H1-1: variants seen among roughly 807,000 people sequenced by gnomAD.
The protein encoded by H1-1 is histone H1.1.
Under a neutral mutation model 0.8 loss-of-function variants are expected in H1-1, and 2 were observed. The observed-to-expected ratio is 2.64, with a 90% CI of 1.08 to 8.30. The LOEUF is 8.30. H1-1 is among the 30% of genes most tolerant of loss of function. The pLI, the probability that H1-1 is intolerant of heterozygous loss-of-function variation, is 0.04. For synonymous variants in H1-1, 211 were observed against 108.2 expected, an observed-to-expected ratio of 1.95 and a Z score of -5.89; for missense variants, 516 against 262.6, an observed-to-expected ratio of 1.97 and a Z score of -6.67.
In H1-1 at chr6:26,017,465, G is replaced by A. The variant is rs534247949; in HGVS notation, c.268C>T (p.Leu90=). The A allele has an allele frequency of 7.3e-5, 118 of 1,613,898 alleles. No homozygotes were observed. The highest frequency in any genetic ancestry group is 3.2e-4 in the South Asian group (29 of 91,078). Residue 90 remains leucine, a synonymous_variant, in exon 1 of 1, where the codon CTG becomes TTG. Coordinates refer to ENST00000244573, the MANE Select transcript of H1-1 (RefSeq NM_005325.4). ...NSRIKLGIKS[L]VSKGTLVQTK... is the part of the protein sequence containing the mutation. ...TGCACCAACGTTCCCTTGCTTACCAGGCTCTTAATGCCCAGCTTAATGCGG... is the reference window on the plus strand; with the variant it reads ...TGCACCAACGTTCCCTTGCTTACCAAGCTCTTAATGCCCAGCTTAATGCGG...
Position 26,017,748 on chromosome 6 carries a change from A to C in H1-1, c.-16T>G. ...TTTCAGACATGGTGACTAACACAGC[A>C]CACCAAATAAAGTGGTATAAACCTG... On this transcript the variant is annotated 5_prime_UTR_variant, in exon 1 of 1. Transcript: ENST00000244573. The C allele has an allele frequency of 6.2e-7, 1 of 1,604,846 alleles. No homozygotes were observed. The highest frequency in any genetic ancestry group is 8.5e-7 in the Non-Finnish European group (1 of 1,175,202).
At position 26,017,466 on chromosome 6, in the gene H1-1, G is replaced by A. The variant is rs554173019; in HGVS notation, c.267C>T (p.Ser89=). 73 of 1,614,090 alleles carry A rather than the reference G, an allele frequency of 4.5e-5. No homozygotes were observed. The South Asian group carries it at 7.5e-4, about 17-fold the overall frequency. Residue 89 remains serine, a synonymous_variant, in exon 1 of 1, where the codon AGC becomes AGT. Transcript: ENST00000244573. The part of the protein sequence containing the change: ...NNSRIKLGIK[S]LVSKGTLVQT... Reference sequence around the variant, plus strand: ...GCACCAACGTTCCCTTGCTTACCAGGCTCTTAATGCCCAGCTTAATGCGGC... The same window carrying A: ...GCACCAACGTTCCCTTGCTTACCAGACTCTTAATGCCCAGCTTAATGCGGC...
rs1761141869 is a variant in H1-1, at chr6:26,017,391, C to T, written c.342G>A (p.Ala114=). 1.2e-6 allele frequency: 2 copies of T among 1,613,948 alleles called. No homozygotes were observed. Among genetic ancestry groups the T allele is most frequent in the Middle Eastern group, 1.6e-4 (1 of 6,082 alleles). Residue 114 remains alanine (A), a synonymous_variant, in exon 1 of 1, where the codon GCG becomes GCA. Coordinates refer to ENST00000244573, the MANE Select transcript of H1-1 (RefSeq NM_005325.4). ...ASGSFKLNKK[A]SSVETKPGAS... ...CGCCGGGCTTGGTTTCCACGGAGGA[C>T]GCCTTCTTGTTGAGCTTGAAGGAAC...
Position 26,017,645 on chromosome 6 carries a change from C to T in H1-1, c.88G>A (p.Ala30Thr), listed in dbSNP as rs138845730. Residue 30 changes from alanine (A) to threonine (T), a missense_variant, in exon 1 of 1, where the codon GCT becomes ACT. Transcript: ENST00000244573. Reference sequence around the variant, plus strand: ...GGTTTTTTCTTGGAGGCTGCTGCAGCCTTAGCAGGTTTCTTTGCCTTCTTG... The same window carrying T: ...GGTTTTTTCTTGGAGGCTGCTGCAGTCTTAGCAGGTTTCTTTGCCTTCTTG... Reference protein sequence around the residue: ...AGKKAKKPAKAAAASKKKPAG... With the variant: ...AGKKAKKPAKTAAASKKKPAG... 8.1e-5 allele frequency: 131 copies of T among 1,614,048 alleles called. No homozygotes were observed. Among genetic ancestry groups the T allele is most frequent in the South Asian group, 8.0e-4 (73 of 91,096 alleles).
In H1-1 at chr6:26,017,679, A is replaced by T; in HGVS notation, c.54T>A (p.Pro18=). The T allele has an allele frequency of 1.2e-6, 2 of 1,613,210 alleles. No homozygotes were observed. The highest frequency in any genetic ancestry group is 2.2e-5 in the South Asian group (2 of 91,070). ...APAASAAPEK[P]LAGKKAKKPA... ...GTTTCTTTGCCTTCTTGCCAGCTAA[A>T]GGTTTCTCAGGAGCAGCAGAAGCGG... is the stretch of plus-strand genomic sequence containing the variant. The change falls in exon 1 of 1, where the codon CCT becomes CCA. Residue 18 remains proline, a synonymous_variant. Coordinates refer to ENST00000244573, the MANE Select transcript of H1-1 (RefSeq NM_005325.4).
Position 26,017,606 on chromosome 6 carries a change from CG to C in H1-1, c.126del (p.Val43CysfsTer4). On this transcript the variant is annotated frameshift_variant, in exon 1 of 1. Coordinates refer to ENST00000244573, the MANE Select transcript of H1-1 (RefSeq NM_005325.4). LOFTEE classifies it low-confidence loss of function (END_TRUNC). Reference protein sequence around the residue: ...AASKKKPAGPSVSELIVQAAS... With the variant: ...AASKKKPAGPXVSELIVQAAS... ...GCAGCCTGCACGATCAGCTCTGACA[CG>C]GAAGGGCCAGCGGGTTTTTTCTTGG... 1 of 1,614,156 alleles carries C rather than the reference CG, an allele frequency of 6.2e-7. No individual in the cohort carries two copies. The highest frequency in any genetic ancestry group is 8.5e-7 in the Non-Finnish European group (1 of 1,180,016).
Position 26,017,162 on chromosome 6 carries a change from T to C in H1-1, c.571A>G (p.Lys191Glu), listed in dbSNP as rs1177535125. The change falls in exon 1 of 1, where the codon AAA (lysine) becomes GAA (glutamate). Residue 191 changes from lysine (K) to glutamate (E), a missense_variant. By Grantham distance (56) the Lys-to-Glu change is moderately conservative. Coordinates refer to ENST00000244573, the MANE Select transcript of H1-1 (RefSeq NM_005325.4). Reference sequence around the variant, plus strand: ...ACCCTAGCCTTGGCCGCCTTGGGTTTTACAGCCTTAGCTTTAGCAGGGCTT... The same window carrying C: ...ACCCTAGCCTTGGCCGCCTTGGGTTCTACAGCCTTAGCTTTAGCAGGGCTT... ...AKSPAKAKAV[K>E]PKAAKARVTK... 3 of 1,613,432 alleles carry C rather than the reference T, an allele frequency of 1.9e-6. No homozygotes were observed. Among genetic ancestry groups the C allele is most frequent in the Non-Finnish European group, 1.7e-6 (2 of 1,179,918 alleles).
rs1447774310 is a variant in H1-1, at chr6:26,017,349, T to C, written c.384A>G (p.Thr128=). 6.2e-7 allele frequency: 1 copy of C among 1,614,038 alleles called. No homozygotes were observed. The highest frequency in any genetic ancestry group is 2.2e-5 in the East Asian group (1 of 44,878). Residue 128 remains threonine, a synonymous_variant, in exon 1 of 1, where the codon ACA becomes ACG. Transcript: ENST00000244573. ...ETKPGASKVA[T]KTKATGASKK... ...TAGATGCACCCGTTGCCTTAGTTTT[T>C]GTAGCCACCTTTGAGGCGCCGGGCT...
In H1-1 at chr6:26,017,719, A is replaced by C; in HGVS notation, c.14T>G (p.Val5Gly). 1 of 1,612,950 alleles carries C rather than the reference A, an allele frequency of 6.2e-7. No individual in the cohort carries two copies. Among genetic ancestry groups the C allele is most frequent in the Non-Finnish European group, 8.5e-7 (1 of 1,179,624 alleles). Reference protein sequence around the residue: MSETVPPAPAASAAP... With the variant: MSETGPPAPAASAAP... ...AGCAGAAGCGGCGGGGGCGGGAGGCACTGTTTCAGACATGGTGACTAACAC... is the reference window on the plus strand; with the variant it reads ...AGCAGAAGCGGCGGGGGCGGGAGGCCCTGTTTCAGACATGGTGACTAACAC... The change falls in exon 1 of 1, where the codon GTG (valine) becomes GGG (glycine). Residue 5 changes from valine to glycine, a missense_variant. Coordinates refer to ENST00000244573, the MANE Select transcript of H1-1 (RefSeq NM_005325.4).
Position 26,017,392 on chromosome 6 carries a change from G to A in H1-1, c.341C>T (p.Ala114Val), listed in dbSNP as rs776509006. Residue 114 changes from alanine to valine, a missense_variant, in exon 1 of 1, where the codon GCG becomes GTG. Ala to Val is a moderately conservative substitution (Grantham distance 64, BLOSUM62 0). Transcript: ENST00000244573. ...ASGSFKLNKK[A>V]SSVETKPGAS... ...GCCGGGCTTGGTTTCCACGGAGGAC[G>A]CCTTCTTGTTGAGCTTGAAGGAACC... 25 of 1,613,950 alleles carry A rather than the reference G, an allele frequency of 1.5e-5. No homozygotes were observed. Among genetic ancestry groups the A allele is most frequent in the South Asian group, 4.4e-5 (4 of 91,078 alleles).
In H1-1 at chr6:26,017,591, C is replaced by T. The variant is rs369375436; in HGVS notation, c.142G>A (p.Val48Met). The T allele has an allele frequency of 1.4e-5, 23 of 1,614,052 alleles. No individual in the cohort carries two copies. The African/African-American group carries it at 2.4e-4, about 17-fold the overall frequency. Residue 48 changes from valine (V) to methionine (M), a missense_variant, in exon 1 of 1, where the codon GTG becomes ATG. Val to Met is a conservative substitution (Grantham distance 21, BLOSUM62 1). Coordinates refer to ENST00000244573, the MANE Select transcript of H1-1 (RefSeq NM_005325.4). ...PAGPSVSELI[V>M]QAASSSKERG... ...TCCTTAGAGGAGGAAGCAGCCTGCA[C>T]GATCAGCTCTGACACGGAAGGGCCA...
Position 26,017,058 on chromosome 6 carries a change from G to A in H1-1, c.*27C>T, listed in dbSNP as rs758416964. The A allele has an allele frequency of 1.9e-6, 3 of 1,557,444 alleles. No homozygotes were observed. The highest frequency in any genetic ancestry group is 2.6e-6 in the Non-Finnish European group (3 of 1,160,060). ...AGGTGGCTCTTAAAAGAGCCGTTGG[G>A]TTACTAGAAGAAACTTCTAACTGAA... is the stretch of plus-strand genomic sequence containing the variant. On this transcript the variant is annotated 3_prime_UTR_variant, in exon 1 of 1. Transcript: ENST00000244573.
chr6:26,017,219 GTTT>G lies in H1-1; in HGVS notation c.511_513del (p.Lys171del). The G allele has an allele frequency of 6.2e-7, 1 of 1,614,062 alleles. No homozygotes were observed. The highest frequency in any genetic ancestry group is 8.5e-7 in the Non-Finnish European group (1 of 1,180,008). ...ACTTTCTTGGGCTTTACAGTTTTGG[GTTT>G]TTTTGGATTCTTGGAGGATTTCCTT... On this transcript the variant is annotated inframe_deletion, in exon 1 of 1. Transcript: ENST00000244573.
In H1-1 at chr6:26,017,085, T is replaced by A; in HGVS notation, c.648A>T (p.Ter216TyrextTer?). 1 of 1,573,632 alleles carries A rather than the reference T, an allele frequency of 6.4e-7. No individual in the cohort carries two copies. Residue 216 changes from the stop codon to tyrosine (Y), a stop_lost, in exon 1 of 1, where the codon TAA becomes TAT. Transcript: ENST00000244573. ...TACTAGAAGAAACTTCTAACTGAAT[T>A]TACTTTTTCTTGGGTGCCGCTTTCT... ...KPKKAAPKKK* is the reference protein window; with the variant it reads ...KPKKAAPKKKY
rs150685143 is a variant in H1-1 at position 26,017,709 on chromosome 6, G to A, written c.24C>T (p.Ala8=). 6 of 1,613,354 alleles carry A rather than the reference G, an allele frequency of 3.7e-6. No individual in the cohort carries two copies. Among genetic ancestry groups the A allele is most frequent in the East Asian group, 2.2e-5 (1 of 44,878 alleles). Reference sequence around the variant, plus strand: ...TCTCAGGAGCAGCAGAAGCGGCGGGGGCGGGAGGCACTGTTTCAGACATGG... The same window carrying A: ...TCTCAGGAGCAGCAGAAGCGGCGGGAGCGGGAGGCACTGTTTCAGACATGG... MSETVPP[A]PAASAAPEKP... The change falls in exon 1 of 1, where the codon GCC becomes GCT. Residue 8 remains alanine (A), a synonymous_variant. Coordinates refer to ENST00000244573, the MANE Select transcript of H1-1 (RefSeq NM_005325.4).
chr6:26,017,624 T>TA lies in H1-1; in HGVS notation c.108_109insT (p.Lys37Ter). The TA allele has an allele frequency of 6.2e-7, 1 of 1,614,102 alleles. No individual in the cohort carries two copies. The highest frequency in any genetic ancestry group is 8.5e-7 in the Non-Finnish European group (1 of 1,180,014). On this transcript the variant is annotated frameshift_variant, in exon 1 of 1. Coordinates refer to ENST00000244573, the MANE Select transcript of H1-1 (RefSeq NM_005325.4). LOFTEE classifies it low-confidence loss of function (END_TRUNC). ...TCTGACACGGAAGGGCCAGCGGGTT[T>TA]TTTCTTGGAGGCTGCTGCAGCCTTA...
chr6:26,017,102 C>G lies in H1-1; in HGVS notation c.631G>C (p.Ala211Pro). Residue 211 changes from alanine (A) to proline (P), a missense_variant, in exon 1 of 1, where the codon GCA (alanine) becomes CCA (proline). Transcript: ENST00000244573. ...AACTGAATTTACTTTTTCTTGGGTG[C>G]CGCTTTCTTGGGTTTGGCAGTCTTT... ...KPKTAKPKKAAPKKK is the reference protein window; with the variant it reads ...KPKTAKPKKAPPKKK The G allele has an allele frequency of 6.3e-7, 1 of 1,577,542 alleles. No homozygotes were observed. The highest frequency in any genetic ancestry group is 8.6e-7 in the Non-Finnish European group (1 of 1,169,378).
rs1215095109 is a variant in H1-1 at position 26,017,222 on chromosome 6, T to A, written c.511A>T (p.Lys171Ter). ...TTCTTGGGCTTTACAGTTTTGGGTT[T>A]TTTTGGATTCTTGGAGGATTTCCTT... ...ATRKSSKNPK[K>*]PKTVKPKKVA... Residue 171 changes from lysine to a stop codon, truncating the protein, a stop_gained, in exon 1 of 1, where the codon AAA becomes TAA. Coordinates refer to ENST00000244573, the MANE Select transcript of H1-1 (RefSeq NM_005325.4). LOFTEE classifies it low-confidence loss of function (END_TRUNC). 1 of 1,614,198 alleles carries A rather than the reference T, an allele frequency of 6.2e-7. No homozygotes were observed. Among genetic ancestry groups the A allele is most frequent in the South Asian group, 1.1e-5 (1 of 91,086 alleles).
chr6:26,017,219 G>GT lies in H1-1; in HGVS notation c.513dup (p.Pro172ThrfsTer11), dbSNP rs749012967. On this transcript the variant is annotated frameshift_variant, in exon 1 of 1. Transcript: ENST00000244573. LOFTEE classifies it low-confidence loss of function (END_TRUNC). Reference sequence around the variant, plus strand: ...ACTTTCTTGGGCTTTACAGTTTTGGGTTTTTTTGGATTCTTGGAGGATTTC... The same window carrying GT: ...ACTTTCTTGGGCTTTACAGTTTTGGGTTTTTTTTGGATTCTTGGAGGATTTC... 42 of 1,613,944 alleles carry GT rather than the reference G, an allele frequency of 2.6e-5. No individual in the cohort carries two copies. Among genetic ancestry groups the GT allele is most frequent in the South Asian group, 8.8e-5 (8 of 91,086 alleles).
Sources: allele counts gnomAD v4.1 joint callset, GRCh38; gene constraint gnomAD v4.1.1; transcripts MANE v1.5; gene names NCBI Gene and HGNC (gene_info 2026-07-23, HGNC 2026-07-21).